Variants in CCDC198 observed in about 807,000 individuals in gnomAD.
The protein encoded by CCDC198 is factor associated with metabolism and energy.
A neutral mutation model predicts 35.6 loss-of-function variants in CCDC198; 18 were observed. The ratio of observed to expected loss-of-function variants is 0.51; its 90% CI spans 0.35 to 0.75. CCDC198 has a LOEUF of 0.75. CCDC198 is among the 30% of genes least tolerant of loss of function. The pLI, the probability that CCDC198 is intolerant of heterozygous loss-of-function variation, is 0.01. For missense variants in CCDC198, 365 were observed against 343.7 expected (o/e 1.06, Z -0.49); for synonymous variants, 119 against 113.4 (o/e 1.05, Z -0.31).
rs149798976 is a variant in CCDC198, at chr14:57,483,127, G to A, written c.331C>T (p.Arg111Ter). 2.7e-4 allele frequency: 435 copies of A among 1,613,880 alleles called. 1 individual carries two copies. Among genetic ancestry groups the A allele is most frequent in the Admixed American group, 7.3e-4 (44 of 59,968 alleles). ...AGGAGTCTTCCTGAAGTAATTACTC[G>A]TGGCAAGTCAATGGGTTCAAGCTTC... ...LQKLEPIDLP[R>*]VITSGRLLSQ... Residue 111 changes from arginine to a stop codon, truncating the protein, a stop_gained, in exon 3 of 6, where the codon CGA (arginine) becomes TGA (stop). Coordinates refer to ENST00000216445, the MANE Select transcript of CCDC198 (RefSeq NM_018168.4). LOFTEE classifies it high-confidence loss of function.
intron 4 of CCDC198, among the ~76,000 whole-genome samples, chr14:57,480,981 A>G (rs1008348750): frequency 4.6e-5 from 7 of 152,230 alleles, no homozygotes; most frequent in African/African-American, 1.7e-4. Flanking sequence ...GGTATGGCTC[A>G]ATTAAGATGA....
Position 57,479,032 on chromosome 14 carries a change from A to T in CCDC198, c.655+1563T>A, listed in dbSNP as rs1056095061. On this transcript the variant is annotated intron_variant, in intron 5 of 5. Transcript: ENST00000216445. ...TTTCAACTGTGGGTTTGCCCTGGGG[A>T]AATACAAACAAGGAAAACTTAATGG... is the stretch of plus-strand genomic sequence containing the variant. The T allele has an allele frequency of 3.9e-6, 5 of 1,289,004 alleles. No homozygotes were observed. The African/African-American group carries it at 7.6e-5, about 20-fold the overall frequency. The allele number at this position is 1,289,004 out of a possible 1,614,324, so 79.8% of individuals were successfully genotyped here. A position where few individuals can be genotyped will look rare whatever the true frequency, so the allele number is the denominator to read the frequency against.
chr14:57,475,167 A>C (rs919636994), intron 5 of CCDC198: 1 of 182,248 alleles, frequency 5.5e-6, no homozygotes, highest in Non-Finnish European at 1.0e-5. Context: ...AGGCTGAGGC[A>C]GGAGAGTGGC....
chr14:57,482,433 C>T (rs1343263524), intron 3 of CCDC198, among the ~76,000 whole-genome samples: 1 of 152,130 alleles, frequency 6.6e-6, no homozygotes, highest in Non-Finnish European at 1.5e-5. Flanking sequence ...GTGACAGCAC[C>T]TGGACATCTT....
chr14:57,471,414 G>C lies in CCDC198; in HGVS notation c.832C>G (p.Leu278Val). ...QGKDEKKPRALVRTRTERIPL... is the reference protein window; with the variant it reads ...QGKDEKKPRAVVRTRTERIPL... ...ATTCTCTCTGTCCTGGTCCTCACCA[G>C]TGCTCGTGGCTTCTTCTCATCTTTC... is the stretch of plus-strand genomic sequence containing the variant. The change falls in exon 6 of 6, where the codon CTG becomes GTG. Residue 278 changes from leucine (L) to valine (V), a missense_variant. Transcript: ENST00000216445. 6.2e-7 allele frequency: 1 copy of C among 1,614,004 alleles called. No individual in the cohort carries two copies. Among genetic ancestry groups the C allele is most frequent in the South Asian group, 1.1e-5 (1 of 91,072 alleles).
At chr14:57,488,550 T>C (rs536031485) in intron 2 of CCDC198, among the ~76,000 whole-genome samples, 1 of 152,116 alleles carries the variant, frequency 6.6e-6, no homozygotes, top group South Asian at 2.1e-4. Flanking sequence ...TAAGTATTAA[T>C]GGCTGAAGAC....
intron 2 of CCDC198, among the ~76,000 whole-genome samples, chr14:57,485,688 C>T (rs2067337047): frequency 6.6e-6 from 1 of 152,142 alleles, no homozygotes; most frequent in Non-Finnish European, 1.5e-5. Flanking sequence ...GAGCACCCAG[C>T]AGTCCTTTCT....
At chr14:57,482,202 C>T (rs757704492) in intron 3 of CCDC198, among the ~76,000 whole-genome samples, 5 of 152,132 alleles carry the variant, frequency 3.3e-5, no homozygotes, top group South Asian at 2.1e-4. Flanking sequence ...AACATCTCCC[C>T]GCCAGTGCAT....
rs2139502941 is a variant in CCDC198 at position 57,480,743 on chromosome 14, C to T, written c.507G>A (p.Glu169=). 1.2e-6 allele frequency: 2 copies of T among 1,613,912 alleles called. No individual in the cohort carries two copies. The highest frequency in any genetic ancestry group is 2.2e-5 in the East Asian group (1 of 44,864). ...CCTCTCCATGAAGACTTTTCTTTAA[C>T]TCCATTTGGGCCTGAAAATCATCAA... ...MIRKRQEAQM[E]LKKSLHGEAR... The change falls in exon 5 of 6, where the codon GAG becomes GAA. Residue 169 remains glutamate (E), a synonymous_variant. Coordinates refer to ENST00000216445, the MANE Select transcript of CCDC198 (RefSeq NM_018168.4).
intron 2 of CCDC198, among the ~76,000 whole-genome samples, chr14:57,488,197 G>A (rs1354065072): frequency 6.6e-6 from 1 of 152,194 alleles, no homozygotes; most frequent in Non-Finnish European, 1.5e-5. Context: ...GGGAGAAAGA[G>A]TATAGCAAAT....
In CCDC198 at chr14:57,492,951, A is replaced by G. The variant is rs189216860; in HGVS notation, c.223+542T>C. 3.5e-3 allele frequency among the ~76,000 whole-genome samples: 528 copies of G among 152,250 alleles called. 2 individuals are homozygous for G. Among genetic ancestry groups the G allele is most frequent in the African/African-American group, 0.012 (498 of 41,562 alleles). On this transcript the variant is annotated intron_variant, in intron 1 of 5. Transcript: ENST00000216445. ...AATTCTGTTAGTTCTGCAGATGACC[A>G]TGAAGAATGTGGGGTTGGGAAAAGG...
At chr14:57,490,644 A>C (rs2067531678) in intron 2 of CCDC198, among the ~76,000 whole-genome samples, 1 of 152,114 alleles carries the variant, frequency 6.6e-6, no homozygotes, top group Non-Finnish European at 1.5e-5. Flanking sequence ...ATAGTATCTG[A>C]CTTGTAGTAG....
chr14:57,486,997 T>G (rs2067384471), intron 2 of CCDC198, among the ~76,000 whole-genome samples: 1 of 152,180 alleles, frequency 6.6e-6, no homozygotes, highest in African/African-American at 2.4e-5. Context: ...CATTAAATCC[T>G]TTGCCACTTG....
At chr14:57,476,023 G>A (rs112100693) in intron 5 of CCDC198, among the ~76,000 whole-genome samples, 7 of 151,636 alleles carry the variant, frequency 4.6e-5, no homozygotes, top group East Asian at 3.9e-4. Context: ...GGCTGGTCTC[G>A]AGCTCCTGAC....
At chr14:57,475,518 C>T in intron 5 of CCDC198, 1 of 938,004 alleles carries the variant, frequency 1.1e-6, no homozygotes, top group Non-Finnish European at 1.4e-6. Flanking sequence ...ACCAGCTTGG[C>T]CAACATGGTG....
intron 5 of CCDC198, among the ~76,000 whole-genome samples, chr14:57,478,218 T>G: frequency 6.6e-6 from 1 of 152,102 alleles, no homozygotes. Context: ...GTAAATAAGG[T>G]CAAGGACTCA....
intron 2 of CCDC198, among the ~76,000 whole-genome samples, chr14:57,485,525 T>G (rs1256424094): frequency 6.6e-6 from 1 of 152,208 alleles, no homozygotes; most frequent in South Asian, 2.1e-4. Context: ...GATTTGGAAG[T>G]TAACTTGGCT....
Position 57,470,215 on chromosome 14 carries a change from T to TTA in CCDC198, c.*1138_*1139dup, listed in dbSNP as rs1206525868. The TTA allele has an allele frequency of 6.6e-6, 1 of 152,242 alleles. No homozygotes were observed. Among genetic ancestry groups the TTA allele is most frequent in the Non-Finnish European group, 1.5e-5 (1 of 68,038 alleles). The allele number at this position is 152,242 out of a possible 1,614,324, so 9.4% of individuals were successfully genotyped here. A position where few individuals can be genotyped will look rare whatever the true frequency, so the allele number is the denominator to read the frequency against. On this transcript the variant is annotated 3_prime_UTR_variant, in exon 6 of 6. Coordinates refer to ENST00000216445, the MANE Select transcript of CCDC198 (RefSeq NM_018168.4). ...GTATCCTGTAGGCTCTCTGTTACGG[T>TTA]TAGCTCACTAGAAAGTGACCTAAGT...
At position 57,476,935 on chromosome 14, in the gene CCDC198, T is replaced by A. The variant is rs111773918; in HGVS notation, c.655+3660A>T. Among the ~76,000 whole-genome samples the A allele has an allele frequency of 1.3e-5, 2 of 152,344 alleles. 1 individual carries two copies. Among genetic ancestry groups the A allele is most frequent in the African/African-American group, 4.8e-5 (2 of 41,574 alleles). Reference sequence around the variant, plus strand: ...GGAATAAGCAAAAAGGAATCATCGCTAGGACAAATGCCGAGCACAGAGGTG... The same window carrying A: ...GGAATAAGCAAAAAGGAATCATCGCAAGGACAAATGCCGAGCACAGAGGTG... On this transcript the variant is annotated intron_variant, in intron 5 of 5. Transcript: ENST00000216445.
Sources: allele counts gnomAD v4.1 joint callset (sites outside exome capture counted in the v4.1 genomes callset), GRCh38; gene constraint gnomAD v4.1.1; transcripts MANE v1.5; gene names NCBI Gene and HGNC (gene_info 2026-07-23, HGNC 2026-07-21).